The following PRKN variants were observed in gnomAD, a reference collection of about 807,000 sequenced individuals.
PRKN encodes the protein E3 ubiquitin-protein ligase parkin.
PRKN carries 56 observed loss-of-function variants against 59.5 expected under a neutral mutation model. The ratio of observed to expected loss-of-function variants is 0.94; its 90% CI spans 0.76 to 1.18. The LOEUF is 1.18. Ranked by LOEUF, PRKN falls within the 50% of genes most tolerant of loss-of-function variation. The probability of loss-of-function intolerance (pLI) is 0.00; values close to 1 mark genes in which losing one functional copy is unlikely to be tolerated. For synonymous variants in PRKN, 250 were observed against 222.1 expected (o/e 1.13, Z -1.12); for missense variants, 657 against 596.4 (o/e 1.10, Z -1.06).
In PRKN at chr6:161,599,926, T is replaced by C. The variant is rs1372781901; in HGVS notation, c.872-30510A>G. 3.9e-5 allele frequency among the ~76,000 whole-genome samples: 6 copies of C among 152,208 alleles called. No homozygotes were observed. The East Asian group carries it at 1.2e-3, about 29-fold the overall frequency. On this transcript the variant is annotated intron_variant, in intron 7 of 11. Transcript: ENST00000366898. ...AGGGATTCTCAAATGTTTCTGCTAC[T>C]GGGTGTCTATGATGACAAAGGCGAG... is the stretch of plus-strand genomic sequence containing the variant.
intron 7 of PRKN, among the ~76,000 whole-genome samples, chr6:161,650,703 G>C (rs187480077): frequency 4.7e-4 from 71 of 152,304 alleles, no homozygotes; most frequent in South Asian, 8.3e-4. Flanking sequence ...TCATATCTAG[G>C]AGACCTAGGA....
chr6:161,453,295 T>C (rs533707891), intron 9 of PRKN, among the ~76,000 whole-genome samples: 7 of 152,202 alleles, frequency 4.6e-5, no homozygotes, highest in African/African-American at 7.2e-5. Flanking sequence ...CATCATGCTA[T>C]AGAAACTCCC....
intron 6 of PRKN, among the ~76,000 whole-genome samples, chr6:161,914,389 T>G (rs1272746892): frequency 6.6e-6 from 1 of 152,178 alleles, no homozygotes; most frequent in Non-Finnish European, 1.5e-5. Flanking sequence ...TACTTCTATA[T>G]TATATTTCTA....
intron 1 of PRKN, among the ~76,000 whole-genome samples, chr6:162,653,158 G>GCATT (rs1778509670): frequency 6.6e-6 from 1 of 152,226 alleles, no homozygotes; most frequent in South Asian, 2.1e-4. Flanking sequence ...ATCGATGATT[G>GCATT]CATTGTTTTT....
chr6:162,255,077 A>AAAAAT (rs200687735), intron 3 of PRKN, among the ~76,000 whole-genome samples: 12,496 of 138,282 alleles, frequency 0.09, 835 homozygotes, highest in African/African-American at 0.17. Context: ...AGATTCATAC[A>AAAAAT]AAAATAAAAT....
intron 4 of PRKN, among the ~76,000 whole-genome samples, chr6:162,150,387 G>A (rs1464979326): frequency 6.6e-6 from 1 of 152,164 alleles, no homozygotes; most frequent in African/African-American, 2.4e-5. Context: ...CAGAGCATGA[G>A]GGTACAAATG....
chr6:162,376,095 T>A (rs1446042252), intron 2 of PRKN, among the ~76,000 whole-genome samples: 1 of 152,114 alleles, frequency 6.6e-6, no homozygotes, highest in Non-Finnish European at 1.5e-5. Flanking sequence ...TAGTGTTTTC[T>A]TAGTTGGGAG....
chr6:161,516,847 AGAAAGAAAAAAG>A (rs1206591528), intron 9 of PRKN, among the ~76,000 whole-genome samples: 1 of 145,306 alleles, frequency 6.9e-6, no homozygotes, highest in Admixed American at 6.8e-5. Flanking sequence ...AAAAAAAAAA[AGAAAGAAAAAAG>A]AAAAGTACAG....
At chr6:162,290,226 C>G (rs1416039670) in intron 2 of PRKN, among the ~76,000 whole-genome samples, 1 of 152,092 alleles carries the variant, frequency 6.6e-6, no homozygotes, top group East Asian at 1.9e-4. Flanking sequence ...CTGAAAAACT[C>G]CCTTCTGTCT....
intron 4 of PRKN, among the ~76,000 whole-genome samples, chr6:162,098,281 T>A (rs1779829304): frequency 6.6e-6 from 1 of 152,180 alleles, no homozygotes; most frequent in Admixed American, 6.5e-5. Flanking sequence ...ATGTCCGCTT[T>A]TCCCAAATGT....
chr6:161,954,771 A>G (rs534512983), intron 6 of PRKN, among the ~76,000 whole-genome samples: 16 of 152,310 alleles, frequency 1.1e-4, no homozygotes, highest in African/African-American at 2.6e-4. Context: ...GGTTCTGGAA[A>G]ATGACTTTCA....
At chr6:162,503,864 G>A (rs1024961400) in intron 1 of PRKN, among the ~76,000 whole-genome samples, 1 of 152,286 alleles carries the variant, frequency 6.6e-6, no homozygotes. Context: ...GACAAGGCTG[G>A]AACATCATGC....
At chr6:162,501,956 G>T (rs773115888) in intron 1 of PRKN, among the ~76,000 whole-genome samples, 7 of 152,076 alleles carry the variant, frequency 4.6e-5, no homozygotes, top group African/African-American at 1.7e-4. Context: ...GGAAAAAGAC[G>T]AATTAAGTAA....
intron 6 of PRKN, among the ~76,000 whole-genome samples, chr6:161,802,234 C>A (rs1171664814): frequency 1.1e-4 from 16 of 152,112 alleles, no homozygotes; most frequent in Admixed American, 1.0e-3. Flanking sequence ...ATGGCTCCCC[C>A]TGGTCATTCA....
At chr6:162,361,362 G>A (rs140671455) in intron 2 of PRKN, among the ~76,000 whole-genome samples, 3 of 152,128 alleles carry the variant, frequency 2.0e-5, no homozygotes, top group East Asian at 1.9e-4. Flanking sequence ...ATGAGGTCAC[G>A]AGGATGAGGT....
Position 161,875,553 on chromosome 6 carries a change from G to A in PRKN, c.735-89645C>T, listed in dbSNP as rs139519519. 5.9e-5 allele frequency among the ~76,000 whole-genome samples: 9 copies of A among 152,150 alleles called. No homozygotes were observed. The East Asian group carries it at 1.7e-3, about 29-fold the overall frequency. ...TGCTGAAACTATGGAAAATGGGCTA[G>A]GAGCTCTGCTCAACACTGCGGCTAT... is the stretch of plus-strand genomic sequence containing the variant. On this transcript the variant is annotated intron_variant, in intron 6 of 11. Transcript: ENST00000366898.
intron 1 of PRKN, among the ~76,000 whole-genome samples, chr6:162,718,927 G>C (rs1778828587): frequency 6.6e-6 from 1 of 152,084 alleles, no homozygotes; most frequent in Non-Finnish European, 1.5e-5. Context: ...CATGTAGTGA[G>C]ACACGGCAGA....
At chr6:161,827,509 CTTTT>C (rs5881438) in intron 6 of PRKN, among the ~76,000 whole-genome samples, 4 of 124,914 alleles carry the variant, frequency 3.2e-5, no homozygotes, top group African/African-American at 1.2e-4. Flanking sequence ...ATTGATTTTA[CTTTT>C]TTTTTTTTTT....
chr6:162,483,192 C>A (rs1021449800), intron 1 of PRKN, among the ~76,000 whole-genome samples: 5 of 152,114 alleles, frequency 3.3e-5, no homozygotes, highest in African/African-American at 1.2e-4. Flanking sequence ...CCCAGTCTCA[C>A]GATATTCGAG....
Sources: gnomAD v4.1 joint callset for allele counts (sites outside exome capture counted in the v4.1 genomes callset) on GRCh38, gnomAD v4.1.1 for gene constraint, MANE v1.5 for transcripts, NCBI Gene and HGNC (gene_info 2026-07-23, HGNC 2026-07-21) for gene names.